The following DCDC2 variants were observed in gnomAD, a reference collection of about 807,000 sequenced individuals.
DCDC2 encodes the protein doublecortin domain containing 2, also known as doublecortin domain-containing protein 2.
A neutral mutation model predicts 50.2 loss-of-function variants in DCDC2; 40 were observed. That is an observed-to-expected ratio of 0.80 (90% CI 0.62 to 1.04). DCDC2 has a LOEUF of 1.04. Ranked by LOEUF, DCDC2 falls within the 50% of genes least tolerant of loss-of-function variation. The pLI is 0.00. For synonymous variants in DCDC2, 234 were observed against 210.6 expected (o/e 1.11, Z -0.96); for missense variants, 570 against 581.9 (o/e 0.98, Z 0.21).
intron 2 of DCDC2, among the ~76,000 whole-genome samples, chr6:24,317,055 A>C (rs962527477): frequency 1.3e-5 from 2 of 151,994 alleles, no homozygotes; most frequent in African/African-American, 4.8e-5. Flanking sequence ...TTCCATGGCA[A>C]AAACACTACA....
chr6:24,197,680 C>T (rs1051437138), intron 8 of DCDC2, among the ~76,000 whole-genome samples: 1 of 152,110 alleles, frequency 6.6e-6, no homozygotes, highest in Non-Finnish European at 1.5e-5. Context: ...GCAGAAAATG[C>T]CTGTGGAATC....
chr6:24,373,289 C>T, the DCDC2 span, among the ~76,000 whole-genome samples: 149,640 of 152,356 alleles, frequency 0.98, 73,527 homozygotes, highest in East Asian at 1. Context: ...ACATCTACAA[C>T]AATGTTTGTA....
intron 8 of DCDC2, among the ~76,000 whole-genome samples, chr6:24,200,307 ATC>A (rs1362645833): frequency 6.6e-6 from 1 of 152,222 alleles, no homozygotes; most frequent in African/African-American, 2.4e-5. Flanking sequence ...CCAGCAGTGA[ATC>A]TCTCTGCAGA....
At chr6:24,271,752 G>A (rs1763243314) in intron 7 of DCDC2, among the ~76,000 whole-genome samples, 1 of 152,212 alleles carries the variant, frequency 6.6e-6, no homozygotes, top group Admixed American at 6.5e-5. Flanking sequence ...GCAGCACAAT[G>A]CAATAATTAA....
chr6:24,353,269 T>G (rs1366993043), intron 2 of DCDC2: 4 of 490,766 alleles, frequency 8.2e-6, no homozygotes, highest in Non-Finnish European at 1.2e-5. Flanking sequence ...GCTCAGAATC[T>G]TCTCACTTGA....
chr6:24,285,098 C>A (rs1385890730), intron 6 of DCDC2, among the ~76,000 whole-genome samples: 1 of 152,072 alleles, frequency 6.6e-6, no homozygotes, highest in Non-Finnish European at 1.5e-5. Context: ...TCTAAGTCCT[C>A]ATCTATCTAC....
chr6:24,375,819 T>C, the DCDC2 span, among the ~76,000 whole-genome samples: 3 of 150,502 alleles, frequency 2.0e-5, no homozygotes, highest in Admixed American at 1.3e-4. Context: ...TGTGTATGAG[T>C]GTAAAAGGAG....
intron 7 of DCDC2, among the ~76,000 whole-genome samples, chr6:24,239,546 G>T (rs1423821070): frequency 6.6e-6 from 1 of 152,164 alleles, no homozygotes; most frequent in Non-Finnish European, 1.5e-5. Context: ...AATTAGGAAT[G>T]ATTTCCCTGC....
At position 24,309,939 on chromosome 6, in the gene DCDC2, G is replaced by A. The variant is rs369376805; in HGVS notation, c.349-7895C>T. ...GAGCCCAGGAGTTCAGGACCAGCTT[G>A]GGCAACATAGTGAGACCCTGTCTAT... On this transcript the variant is annotated intron_variant, in intron 2 of 9. Transcript: ENST00000378454. 1.8e-4 allele frequency among the ~76,000 whole-genome samples: 27 copies of A among 152,078 alleles called. No homozygotes were observed. In the East Asian group the frequency reaches 3.5e-3, roughly 20 times the overall value.
Position 24,232,411 on chromosome 6 carries a change from A to G in DCDC2, c.923-27309T>C, listed in dbSNP as rs1762354977. On this transcript the variant is annotated intron_variant, in intron 7 of 9. Coordinates refer to ENST00000378454, the MANE Select transcript of DCDC2 (RefSeq NM_016356.5). ...ACTCTGTCTTACTTGCAAGTTCGCA[A>G]AGTCAACTCAATCAGCATGTTCAGG... Among the ~76,000 whole-genome samples, 4 of 152,236 alleles carry G rather than the reference A, an allele frequency of 2.6e-5. No individual in the cohort carries two copies. The South Asian group carries it at 8.3e-4, about 32-fold the overall frequency.
chr6:24,248,302 C>A (rs1762727609), intron 7 of DCDC2, among the ~76,000 whole-genome samples: 1 of 152,164 alleles, frequency 6.6e-6, no homozygotes, highest in South Asian at 2.1e-4. Flanking sequence ...TTGTTTCAAA[C>A]ACTAACTTCT....
At chr6:24,285,278 G>T (rs969681708) in intron 6 of DCDC2, among the ~76,000 whole-genome samples, 1 of 152,148 alleles carries the variant, frequency 6.6e-6, no homozygotes, top group South Asian at 2.1e-4. Flanking sequence ...ATGGAACTAC[G>T]TTTGACAACT....
intron 4 of DCDC2, among the ~76,000 whole-genome samples, chr6:24,295,655 A>G (rs1759212971): frequency 6.6e-6 from 1 of 152,238 alleles, no homozygotes; most frequent in Non-Finnish European, 1.5e-5. Context: ...TACAAAAATC[A>G]GTAGCATTCC....
the DCDC2 span, among the ~76,000 whole-genome samples, chr6:24,382,902 A>AT: frequency 1.8e-4 from 27 of 151,640 alleles, 1 homozygote; most frequent in East Asian, 1.2e-3. Context: ...ACTTTCATGG[A>AT]TTTTTTTTTA....
At chr6:24,199,734 C>A (rs1761540590) in intron 8 of DCDC2, among the ~76,000 whole-genome samples, 2 of 152,140 alleles carry the variant, frequency 1.3e-5, no homozygotes, top group African/African-American at 2.4e-5. Context: ...GGAGCATGTT[C>A]TAACCCAATG....
chr6:24,198,978 G>A (rs1761512960), intron 8 of DCDC2, among the ~76,000 whole-genome samples: 1 of 152,142 alleles, frequency 6.6e-6, no homozygotes, highest in Non-Finnish European at 1.5e-5. Context: ...CTCTGGGTAG[G>A]GCATCTCAGA....
chr6:24,336,896 C>T (rs1263410577), intron 2 of DCDC2, among the ~76,000 whole-genome samples: 4 of 152,068 alleles, frequency 2.6e-5, no homozygotes, highest in African/African-American at 7.2e-5. Context: ...AAACACATAC[C>T]TATATGTTTC....
At chr6:24,354,854 T>C (rs1427916848) in intron 1 of DCDC2, among the ~76,000 whole-genome samples, 1 of 152,202 alleles carries the variant, frequency 6.6e-6, no homozygotes, top group East Asian at 1.9e-4. Context: ...TGTTTAGTTA[T>C]CGTTTCAAAA....
chr6:24,299,639 C>T (rs1443407707), intron 4 of DCDC2, among the ~76,000 whole-genome samples: 1 of 152,174 alleles, frequency 6.6e-6, no homozygotes, highest in East Asian at 1.9e-4. Context: ...TTGGGCCAGT[C>T]GCAGTGGCTC....
Sources: allele counts gnomAD v4.1 joint callset (sites outside exome capture counted in the v4.1 genomes callset), GRCh38; gene constraint gnomAD v4.1.1; transcripts MANE v1.5; gene names NCBI Gene and HGNC (gene_info 2026-07-23, HGNC 2026-07-21).